The following OTOF variants were observed in gnomAD, a reference collection of about 807,000 sequenced individuals.
OTOF encodes the protein otoferlin.
Under a neutral mutation model 236.8 loss-of-function variants are expected in OTOF, and 218 were observed. The ratio of observed to expected loss-of-function variants is 0.92; its 90% confidence interval spans 0.82 to 1.03. OTOF has a LOEUF of 1.03. Among genes scored for constraint, OTOF ranks in the 50% least tolerant of loss-of-function variants. OTOF has a pLI of 0.00. For missense variants in OTOF, 2,590 were observed against 2,694.4 expected, an observed-to-expected ratio of 0.96 and a Z score of 0.86; for synonymous variants, 1,041 against 1,072.5, an observed-to-expected ratio of 0.97 and a Z score of 0.57.
At chr2:26,484,665 A>G (rs2148061863) in intron 11 of OTOF, 32 bp from the exon 12 acceptor site, 1 of 1,610,724 alleles carries the variant, frequency 6.2e-7, no homozygotes, top group Non-Finnish European at 8.5e-7. Flanking sequence ...ACTGCACCAG[A>G]CACCCCCACC....
Position 26,470,845 on chromosome 2 carries a change from A to G in OTOF, c.3895-124T>C. On this transcript the variant is annotated intron_variant, in intron 31 of 46. Transcript: ENST00000272371. This position sits in a 1 kb window ranked among gnomAD's most constrained non-coding sequence, Gnocchi z 4.3. ...GGGCTCCATGAGGCTCTGTGGGGCC[A>G]CCCATGTCCAAGGGGCAGGGCCTTA... is the stretch of plus-strand genomic sequence containing the variant. 1 of 1,510,294 alleles carries G rather than the reference A, an allele frequency of 6.6e-7. No individual in the cohort carries two copies. The highest frequency in any genetic ancestry group is 1.2e-5 in the South Asian group (1 of 84,348). 93.6% of individuals were successfully genotyped at this position (1,510,294 alleles called of 1,614,324 possible).
At chr2:26,540,786 A>G (rs187225290) in intron 1 of OTOF, among the ~76,000 whole-genome samples, 19 of 152,214 alleles carry the variant, frequency 1.2e-4, no homozygotes, top group Non-Finnish European at 1.9e-4. Flanking sequence ...GATAAGGAGG[A>G]AAAAACCATA....
intron 46 of OTOF, 138 bp downstream of exon 46, chr2:26,459,870 A>C: frequency 4.9e-6 from 4 of 823,844 alleles, no homozygotes; most frequent in Non-Finnish European, 7.7e-6. Flanking sequence ...TGCGTGGCAC[A>C]TGTGTGCATA....
chr2:26,494,658 G>GA (rs1177388549), intron 9 of OTOF, among the ~76,000 whole-genome samples: 3 of 141,434 alleles, frequency 2.1e-5, no homozygotes, highest in Non-Finnish European at 1.5e-5. Context: ...GAGTGGGGTG[G>GA]GGGGGGGTTC....
At chr2:26,550,066 T>C (rs927033029) in intron 1 of OTOF, among the ~76,000 whole-genome samples, 2 of 150,734 alleles carry the variant, frequency 1.3e-5, no homozygotes, top group Non-Finnish European at 3.0e-5. Context: ...AAAAATATTG[T>C]GGAAACTGCA....
chr2:26,514,413 TATCTC>T (rs1476331837), intron 5 of OTOF, among the ~76,000 whole-genome samples: 4 of 152,254 alleles, frequency 2.6e-5, no homozygotes, highest in Non-Finnish European at 5.9e-5. Context: ...GGAGCCCTCT[TATCTC>T]CAGATTCCTG....
chr2:26,473,028 C>T lies in OTOF; in HGVS notation c.3733+104G>A. 7.7e-7 allele frequency: 1 copy of T among 1,290,532 alleles called. No individual in the cohort carries two copies. Among genetic ancestry groups the T allele is most frequent in the Non-Finnish European group, 1.1e-6 (1 of 925,632 alleles). 79.9% of individuals were successfully genotyped at this position (1,290,532 alleles called of 1,614,324 possible). On this transcript the variant is annotated intron_variant, in intron 29 of 46. Transcript: ENST00000272371. This position sits in a 1 kb window ranked among gnomAD's most constrained non-coding sequence, Gnocchi z 7.2. ...CTTCTTCTATGCCCACCCCCTCGGC[C>T]CCAAAGAGCAAACTCTGGTCGCGGC...
At chr2:26,547,090 A>G (rs975288508) in intron 1 of OTOF, among the ~76,000 whole-genome samples, 1 of 152,154 alleles carries the variant, frequency 6.6e-6, no homozygotes, top group Non-Finnish European at 1.5e-5. Flanking sequence ...TTAATGTTCA[A>G]TATTTCTGAA....
At chr2:26,557,303 C>A (rs957997483) in intron 1 of OTOF, among the ~76,000 whole-genome samples, 3 of 152,186 alleles carry the variant, frequency 2.0e-5, no homozygotes, top group African/African-American at 7.2e-5. Flanking sequence ...CCCCTTCTCA[C>A]CACCTCGTCC....
intron 18 of OTOF, 82 bp downstream of exon 18, chr2:26,479,182 T>G: frequency 6.5e-7 from 1 of 1,527,290 alleles, no homozygotes; most frequent in South Asian, 1.2e-5. Flanking sequence ...GCAGACCAGC[T>G]TTGTGTGTTC....
chr2:26,549,253 G>T (rs2148133920), intron 1 of OTOF, among the ~76,000 whole-genome samples: 1 of 152,260 alleles, frequency 6.6e-6, no homozygotes, highest in East Asian at 1.9e-4. Context: ...TACTCTGTAA[G>T]ATTTCAGTCT....
chr2:26,463,359 GC>G, intron 41 of OTOF, 123 bp downstream of exon 41: 1 of 795,560 alleles, frequency 1.3e-6, no homozygotes, highest in Non-Finnish European at 2.2e-6. Flanking sequence ...CCACACCCAG[GC>G]CCCAGGGATG....
intron 46 of OTOF, among the ~76,000 whole-genome samples, 163 bp downstream of exon 46, chr2:26,459,845 A>G (rs1244641020): frequency 6.6e-6 from 1 of 152,048 alleles, no homozygotes; most frequent in Non-Finnish European, 1.5e-5. Flanking sequence ...GCTTGAGTGC[A>G]TGTGTATGCA....
At chr2:26,516,795 C>T (rs901384128) in intron 4 of OTOF, among the ~76,000 whole-genome samples, 196 bp from the exon 5 acceptor site, 13 of 152,130 alleles carry the variant, frequency 8.5e-5, no homozygotes, top group Admixed American at 3.3e-4. Context: ...TTGTGCAGAC[C>T]GGGTCAGCTT....
chr2:26,526,141 A>C lies in OTOF; in HGVS notation c.227+1691T>G, dbSNP rs1021174972. On this transcript the variant is annotated intron_variant, in intron 3 of 46. Transcript: ENST00000272371. ...AAAAGGTGGAAGGATGGATGAATGG[A>C]TGGATGAGTGGATGGAAGGATGAAT... is the stretch of plus-strand genomic sequence containing the variant. Among the ~76,000 whole-genome samples, 5 of 148,834 alleles carry C rather than the reference A, an allele frequency of 3.4e-5. No individual in the cohort carries two copies. The Admixed American group carries it at 3.4e-4, about 10-fold the overall frequency.
chr2:26,556,227 TC>T, intron 1 of OTOF, among the ~76,000 whole-genome samples: 1 of 152,310 alleles, frequency 6.6e-6, no homozygotes, highest in East Asian at 1.9e-4. Context: ...TTTACCAGTT[TC>T]TTGTTTCCCC....
intron 22 of OTOF, 106 bp from the exon 23 acceptor site, chr2:26,476,423 T>C (rs1665272447): frequency 1.9e-6 from 2 of 1,067,198 alleles, no homozygotes; most frequent in Non-Finnish European, 2.8e-6. Context: ...GCCCTGCCCC[T>C]TCACAGCCAT....
Position 26,479,340 on chromosome 2 carries a change from T to A in OTOF, c.2138A>T (p.Tyr713Phe). 6.2e-7 allele frequency: 1 copy of A among 1,612,806 alleles called. No individual in the cohort carries two copies. Among genetic ancestry groups the A allele is most frequent in the South Asian group, 1.1e-5 (1 of 91,040 alleles). Residue 713 changes from tyrosine (Y) to phenylalanine (F), a missense_variant, in exon 18 of 47, where the codon TAC becomes TTC. By Grantham distance (22) the Tyr-to-Phe change is conservative. This residue lies in a region of OTOF where 1,379 missense variants were observed against 1,341.6 expected (regional missense o/e 1.03). Coordinates refer to ENST00000272371, the MANE Select transcript of OTOF (RefSeq NM_194248.3). ...CTGGTCCGGCCACCAGCTCTTGATG[T>A]AGATGCAGGGCTTTCGCTCCAGGTA... ...LPYLERKPCI[Y>F]IKSWWPDQRR...
At chr2:26,478,053 C>T in intron 18 of OTOF, 1 of 1,429,698 alleles carries the variant, frequency 7.0e-7, no homozygotes, top group Non-Finnish European at 9.1e-7. Context: ...CTACGGGGCT[C>T]AGGGCTGGCC....
Sources: gnomAD v4.1 joint callset for allele counts (sites outside exome capture counted in the v4.1 genomes callset) on GRCh38, gnomAD v4.1.1 for gene constraint, gnomAD v4.1.1 regional missense constraint, Gnocchi (gnomAD v3.1) non-coding constraint, MANE v1.5 for transcripts, NCBI Gene and HGNC (gene_info 2026-07-23, HGNC 2026-07-21) for gene names.